PDE3B: variants seen among roughly 807,000 people sequenced by gnomAD.
PDE3B encodes the protein phosphodiesterase 3B.
A neutral mutation model predicts 116.8 loss-of-function variants in PDE3B; 66 were observed. That is an observed-to-expected ratio of 0.56 (90% CI 0.46 to 0.69). The LOEUF (loss-of-function observed/expected upper bound fraction) is 0.69. PDE3B is among the 30% of genes least tolerant of loss of function. The pLI is 0.00. For synonymous variants in PDE3B, 595 were observed against 533.6 expected (o/e 1.12, Z -1.59); for missense variants, 1,384 against 1,368.1 (o/e 1.01, Z -0.18).
intron 1 of PDE3B, among the ~76,000 whole-genome samples, chr11:14,664,963 A>G (rs561554341): frequency 2.0e-5 from 3 of 152,344 alleles, no homozygotes; most frequent in Admixed American, 6.5e-5. Context: ...AGACACAACA[A>G]AAAAAGAGAA....
chr11:14,879,742 A>C, the PDE3B span, among the ~76,000 whole-genome samples: 1 of 152,172 alleles, frequency 6.6e-6, no homozygotes, highest in Non-Finnish European at 1.5e-5. Context: ...TTGTTCTAAC[A>C]GTAGCCAGTG....
At chr11:14,768,443 A>G (rs1314128116) in intron 1 of PDE3B, among the ~76,000 whole-genome samples, 1 of 151,562 alleles carries the variant, frequency 6.6e-6, no homozygotes, top group Non-Finnish European at 1.5e-5. Context: ...TGTGTATTTC[A>G]TGTTAAATGA....
chr11:14,756,967 C>A (rs1488853363), intron 1 of PDE3B, among the ~76,000 whole-genome samples: 31 of 125,118 alleles, frequency 2.5e-4, no homozygotes, highest in Middle Eastern at 8.5e-3. Flanking sequence ...CCCACCCCAC[C>A]ACAGTCCCCA....
chr11:14,854,949 A>G (rs1272817217), intron 12 of PDE3B, among the ~76,000 whole-genome samples: 3 of 152,240 alleles, frequency 2.0e-5, no homozygotes. Flanking sequence ...GAAGCATCTA[A>G]TTATTTTTTT....
chr11:14,875,051 T>C (rs1399614434), downstream of PDE3B, among the ~76,000 whole-genome samples: 2 of 152,134 alleles, frequency 1.3e-5, no homozygotes, highest in African/African-American at 2.4e-5. Flanking sequence ...AATTTATTTA[T>C]ACTTATTTCA....
At chr11:14,891,569 C>T in the PDE3B span, 4 of 1,031,168 alleles carry the variant, frequency 3.9e-6, no homozygotes, top group Non-Finnish European at 4.7e-6. Context: ...CCTTGATTTT[C>T]CGACAAGCCG....
At chr11:14,653,713 C>T (rs759830413) in intron 1 of PDE3B, among the ~76,000 whole-genome samples, 5 of 152,036 alleles carry the variant, frequency 3.3e-5, no homozygotes, top group African/African-American at 9.7e-5. Context: ...AAAAAACTGT[C>T]GCTGGCCGAG....
At chr11:14,698,111 G>A (rs1184118070) in intron 1 of PDE3B, among the ~76,000 whole-genome samples, 2 of 151,716 alleles carry the variant, frequency 1.3e-5, no homozygotes, top group East Asian at 3.9e-4. Flanking sequence ...CTAATAAATA[G>A]ATTGGTATTA....
rs1555007125 is a variant in PDE3B at position 14,861,313 on chromosome 11, C to T, written c.2833C>T (p.Arg945Ter). 8 of 1,613,598 alleles carry T rather than the reference C, an allele frequency of 5.0e-6. No individual in the cohort carries two copies. Among genetic ancestry groups the T allele is most frequent in the African/African-American group, 1.3e-5 (1 of 74,868 alleles). ...LADINGPAKVRDLHLKWTEGI... is the reference protein window; with the variant it reads ...LADINGPAKV ...AGATATAAATGGCCCAGCAAAAGTT[C>T]GAGACTTGCATTTGAAATGGACAGA... Residue 945 changes from arginine (R) to a stop codon, truncating the protein, a stop_gained, in exon 14 of 16, where the codon CGA (arginine) becomes TGA (stop). Coordinates refer to ENST00000282096, the MANE Select transcript of PDE3B (RefSeq NM_000922.4). LOFTEE classifies it high-confidence loss of function.
At chr11:14,867,386 A>G (rs1848066348) in intron 14 of PDE3B, 120 bp from the exon 15 acceptor site, 1 of 793,750 alleles carries the variant, frequency 1.3e-6, no homozygotes, top group Non-Finnish European at 2.0e-6. Flanking sequence ...ATGCTTATTC[A>G]TAAAAAATAT....
At position 14,800,335 on chromosome 11, in the gene PDE3B, C is replaced by T. The variant is rs553487057; in HGVS notation, c.1416-3609C>T. Among the ~76,000 whole-genome samples the T allele has an allele frequency of 2.1e-4, 32 of 152,114 alleles. No individual in the cohort carries two copies. The East Asian group carries it at 4.8e-3, about 23-fold the overall frequency. ...CAAAAGTTAGCTGGGCGTGGTGGTG[C>T]GCGCCTGTAATCGCAACTACTCAGG... On this transcript the variant is annotated intron_variant, in intron 4 of 15. Coordinates refer to ENST00000282096, the MANE Select transcript of PDE3B (RefSeq NM_000922.4).
chr11:14,749,063 C>T (rs1856988770), intron 1 of PDE3B, among the ~76,000 whole-genome samples: 1 of 151,848 alleles, frequency 6.6e-6, no homozygotes, highest in Non-Finnish European at 1.5e-5. Context: ...TAATTTTTGT[C>T]TTTTTAGTAG....
At chr11:14,733,837 A>G (rs1856525916) in intron 1 of PDE3B, among the ~76,000 whole-genome samples, 1 of 152,200 alleles carries the variant, frequency 6.6e-6, no homozygotes, top group Admixed American at 6.5e-5. Context: ...TAATTTAGCC[A>G]TGAACACAGC....
intron 7 of PDE3B, among the ~76,000 whole-genome samples, chr11:14,829,298 C>G (rs1479377503): frequency 6.6e-6 from 1 of 151,910 alleles, no homozygotes; most frequent in Non-Finnish European, 1.5e-5. Flanking sequence ...TACCACTAAA[C>G]TTAAAAAATA....
chr11:14,817,178 A>G (rs1002096861), intron 5 of PDE3B, among the ~76,000 whole-genome samples: 4 of 152,120 alleles, frequency 2.6e-5, no homozygotes, highest in Non-Finnish European at 4.4e-5. Flanking sequence ...TGAGCAAGCT[A>G]TCGCAAGGAC....
intron 14 of PDE3B, among the ~76,000 whole-genome samples, chr11:14,865,690 T>A (rs1848031589): frequency 6.6e-6 from 1 of 152,176 alleles, no homozygotes; most frequent in Non-Finnish European, 1.5e-5. Context: ...TTTACCTAAT[T>A]TGTAAGATTA....
intron 7 of PDE3B, among the ~76,000 whole-genome samples, chr11:14,822,350 A>G (rs1859546002): frequency 6.6e-6 from 1 of 152,248 alleles, no homozygotes; most frequent in Non-Finnish European, 1.5e-5. Context: ...CACTGCTGTC[A>G]TGGAGAGAAA....
intron 2 of PDE3B, chr11:14,772,890 G>T (rs1269309465): frequency 3.3e-5 from 5 of 151,752 alleles, no homozygotes; most frequent in Non-Finnish European, 5.9e-5. Context: ...GAGTCTTGAC[G>T]TACACAAAAA....
intron 1 of PDE3B, among the ~76,000 whole-genome samples, chr11:14,662,458 G>C (rs1426974523): frequency 6.6e-6 from 1 of 152,138 alleles, no homozygotes. Context: ...GCTGGACGGA[G>C]AATGACTTTG....
Sources: gnomAD v4.1 joint callset for allele counts (sites outside exome capture counted in the v4.1 genomes callset) on GRCh38, gnomAD v4.1.1 for gene constraint, MANE v1.5 for transcripts, NCBI Gene and HGNC (gene_info 2026-07-23, HGNC 2026-07-21) for gene names.